NBEA: variants seen among roughly 807,000 people sequenced by gnomAD.
The protein encoded by NBEA is lysosomal-trafficking regulator 2.
A neutral mutation model predicts 343.4 loss-of-function variants in NBEA; 44 were observed. The observed-to-expected ratio is 0.13, with a 90% confidence interval of 0.10 to 0.16. The LOEUF (loss-of-function observed/expected upper bound fraction) is 0.16. Among genes scored for constraint, NBEA ranks in the 10% least tolerant of loss-of-function variants. The pLI is 1.00. For synonymous variants in NBEA, 1,175 were observed against 1,238.7 expected, an observed-to-expected ratio of 0.95 and a Z score of 1.08; for missense variants, 2,555 against 3,631.3, an observed-to-expected ratio of 0.70 and a Z score of 7.62.
chr13:35,094,254 T>TG (rs920176531), intron 10 of NBEA, among the ~76,000 whole-genome samples: 5 of 152,050 alleles, frequency 3.3e-5, no homozygotes, highest in African/African-American at 1.2e-4. Flanking sequence ...TTTATAAGGC[T>TG]GCCTTGCCTT....
chr13:35,498,902 A>T lies in NBEA; in HGVS notation c.6585+26366A>T, dbSNP rs147467268. Among the ~76,000 whole-genome samples the T allele has an allele frequency of 5.6e-3, 856 of 152,182 alleles. 4 individuals carry two copies. The highest frequency in any genetic ancestry group is 9.2e-3 in the Non-Finnish European group (622 of 67,964). ...TTCTGATATTATTGATGAGGTGTTC[A>T]TGACCTTTCTGTTGAGATTTGTGTG... On this transcript the variant is annotated intron_variant, in intron 41 of 58. Coordinates refer to ENST00000379939, the MANE Select transcript of NBEA (RefSeq NM_001385012.1).
intron 56 of NBEA, among the ~76,000 whole-genome samples, chr13:35,665,600 G>A (rs1322258822): frequency 6.7e-6 from 1 of 150,302 alleles, no homozygotes. Context: ...TGGTGGAAAG[G>A]AAACAAAGAT....
At chr13:35,422,655 T>A (rs913463622) in intron 38 of NBEA, among the ~76,000 whole-genome samples, 1 of 152,188 alleles carries the variant, frequency 6.6e-6, no homozygotes, top group African/African-American at 2.4e-5. Context: ...GTCCTTTGGG[T>A]ATATACCCAG....
At chr13:35,384,215 G>A (rs565463715) in intron 38 of NBEA, among the ~76,000 whole-genome samples, 1 of 152,230 alleles carries the variant, frequency 6.6e-6, no homozygotes, top group South Asian at 2.1e-4. Context: ...TTATATCAGT[G>A]TTCTGTTACT....
chr13:35,311,144 T>C (rs2037334359), intron 36 of NBEA, among the ~76,000 whole-genome samples: 1 of 152,146 alleles, frequency 6.6e-6, no homozygotes. Context: ...ATAACAGCAC[T>C]CACCATGTCT....
At chr13:35,537,172 A>T (rs1566284381) in intron 41 of NBEA, among the ~76,000 whole-genome samples, 1 of 152,034 alleles carries the variant, frequency 6.6e-6, no homozygotes, top group Non-Finnish European at 1.5e-5. Flanking sequence ...AAAAACTGGA[A>T]TTTTTTTCAG....
intron 55 of NBEA, among the ~76,000 whole-genome samples, chr13:35,661,945 C>A (rs1262622456): frequency 6.6e-6 from 1 of 152,108 alleles, no homozygotes; most frequent in Non-Finnish European, 1.5e-5. Context: ...ACTCCACTGG[C>A]TTTGTTTAGT....
intron 34 of NBEA, among the ~76,000 whole-genome samples, chr13:35,233,109 G>C (rs994439365): frequency 5.3e-5 from 8 of 152,084 alleles, no homozygotes; most frequent in Non-Finnish European, 7.4e-5. Flanking sequence ...CTTACATACA[G>C]TAAGGAGGCA....
At chr13:35,521,907 T>G (rs2077733206) in intron 41 of NBEA, among the ~76,000 whole-genome samples, 1 of 152,140 alleles carries the variant, frequency 6.6e-6, no homozygotes, top group South Asian at 2.1e-4. Flanking sequence ...CTTTCCTCAG[T>G]ATACTATTCA....
intron 47 of NBEA, among the ~76,000 whole-genome samples, chr13:35,604,804 G>A (rs776394748): frequency 1.3e-5 from 2 of 151,878 alleles, no homozygotes; most frequent in African/African-American, 2.4e-5. Flanking sequence ...CTCCCTGAGG[G>A]TGCCCGGCCC....
At chr13:35,292,721 A>G (rs188284053) in intron 35 of NBEA, among the ~76,000 whole-genome samples, 15 of 152,184 alleles carry the variant, frequency 9.9e-5, no homozygotes, top group Admixed American at 2.6e-4. Flanking sequence ...ATCTTGATAT[A>G]CTATGTGTAT....
chr13:35,145,517 G>C lies in NBEA; in HGVS notation c.2445+3140G>C, dbSNP rs141288966. Among the ~76,000 whole-genome samples, 20 of 152,268 alleles carry C rather than the reference G, an allele frequency of 1.3e-4. No individual in the cohort carries two copies. In the East Asian group the frequency reaches 2.3e-3, roughly 18 times the overall value. On this transcript the variant is annotated intron_variant, in intron 18 of 58. Transcript: ENST00000379939. ...ACAAGGATGTCATCCACATATTGGC[G>C]TGTGGCTTCCCTTTCTGGCTCTAGT...
intron 18 of NBEA, among the ~76,000 whole-genome samples, chr13:35,149,147 A>G (rs1459303259): frequency 6.6e-6 from 1 of 152,160 alleles, no homozygotes; most frequent in Non-Finnish European, 1.5e-5. Context: ...TTTCTGAACA[A>G]TGCCTTTTTG....
intron 8 of NBEA, among the ~76,000 whole-genome samples, chr13:35,069,301 A>G (rs1402161632): frequency 6.6e-6 from 1 of 152,128 alleles, no homozygotes; most frequent in East Asian, 1.9e-4. Context: ...ACATCTAACA[A>G]TACCTTTCTT....
intron 30 of NBEA, among the ~76,000 whole-genome samples, chr13:35,186,956 A>G (rs1455264659): frequency 6.6e-6 from 1 of 152,114 alleles, no homozygotes; most frequent in African/African-American, 2.4e-5. Context: ...TCAAATAACA[A>G]AAACAGTTGT....
chr13:35,548,661 G>T (rs936196561), intron 41 of NBEA, among the ~76,000 whole-genome samples: 7 of 151,958 alleles, frequency 4.6e-5, no homozygotes, highest in Non-Finnish European at 1.0e-4. Flanking sequence ...AGATTTTGTT[G>T]TTGTGGCTGT....
intron 17 of NBEA, among the ~76,000 whole-genome samples, chr13:35,133,630 A>C (rs2067550470): frequency 6.6e-6 from 1 of 152,092 alleles, no homozygotes; most frequent in Admixed American, 6.5e-5. Context: ...CAGAACTGAA[A>C]ATGAATGAAG....
chr13:35,444,619 TA>T, intron 39 of NBEA, among the ~76,000 whole-genome samples: 1 of 152,138 alleles, frequency 6.6e-6, no homozygotes, highest in East Asian at 1.9e-4. Flanking sequence ...AATTACCTGA[TA>T]ATACATTTAG....
At chr13:35,086,509 A>G (rs1451978672) in intron 10 of NBEA, among the ~76,000 whole-genome samples, 1 of 151,882 alleles carries the variant, frequency 6.6e-6, no homozygotes, top group Non-Finnish European at 1.5e-5. Context: ...CATGTGATCA[A>G]TTGTTTTAGT....
Sources: allele counts gnomAD v4.1 joint callset (sites outside exome capture counted in the v4.1 genomes callset), GRCh38; gene constraint gnomAD v4.1.1; transcripts MANE v1.5; gene names NCBI Gene and HGNC (gene_info 2026-07-23, HGNC 2026-07-21).